The following ZBTB6 variants were observed in gnomAD, a reference collection of about 807,000 sequenced individuals.
The protein encoded by ZBTB6 is zinc finger and BTB domain containing 6, also known as zinc finger and BTB domain-containing protein 6.
In ZBTB6, 11 loss-of-function variants were observed where a neutral mutation model predicts 30.6. That is an observed-to-expected ratio of 0.36 (90% CI 0.23 to 0.60). ZBTB6 has a LOEUF of 0.60. ZBTB6 is among the 20% of genes least tolerant of loss of function. ZBTB6 has a pLI of 0.75. For missense variants in ZBTB6, 380 were observed against 489.4 expected (o/e 0.78, Z 2.11); for synonymous variants, 174 against 172.0 (o/e 1.01, Z -0.09).
chr9:122,911,638 A>C lies in ZBTB6; in HGVS notation c.435T>G (p.Ser145=). The C allele has an allele frequency of 1.2e-6, 2 of 1,613,542 alleles. No homozygotes were observed. The highest frequency in any genetic ancestry group is 1.7e-6 in the Non-Finnish European group (2 of 1,180,040). The change falls in exon 2 of 2, where the codon TCT becomes TCG. Residue 145 remains serine (S), a synonymous_variant. Transcript: ENST00000373659. The surrounding 1 kb of genome is among the most constrained non-coding windows in gnomAD (Gnocchi z 4.5). ...CTTCATTCTTAACATCAGGATCAGA[A>C]GACTGACACAGGTCAGTGTGTTGGT... The part of the protein sequence containing the change: ...NNNQHTDLCQ[S]SDPDVKNEDE...
chr9:122,911,507 G>A lies in ZBTB6; in HGVS notation c.566C>T (p.Thr189Ile), dbSNP rs190479955. 106 of 1,614,068 alleles carry A rather than the reference G, an allele frequency of 6.6e-5. No individual in the cohort carries two copies. In the East Asian group the frequency reaches 1.8e-3, roughly 28 times the overall value. The change falls in exon 2 of 2, where the codon ACA becomes ATA. Residue 189 changes from threonine to isoleucine, a missense_variant. By Grantham distance (89) the Thr-to-Ile change is moderately conservative (BLOSUM62 -1). Coordinates refer to ENST00000373659, the MANE Select transcript of ZBTB6 (RefSeq NM_006626.6). The surrounding 1 kb of genome is among the most constrained non-coding windows in gnomAD (Gnocchi z 4.5). ...TCTCTCTGATGTCAGACTCTCTACTGTAGACTGCAAAGCATTGCTTTCCTC... is the reference window on the plus strand; with the variant it reads ...TCTCTCTGATGTCAGACTCTCTACTATAGACTGCAAAGCATTGCTTTCCTC... ...KEEESNALQSTVESLTSERKE... is the reference protein window; with the variant it reads ...KEEESNALQSIVESLTSERKE...
chr9:122,911,548 A>G lies in ZBTB6; in HGVS notation c.525T>C (p.Asp175=), dbSNP rs1832954930. ...EISEDSPVNI[D]FHVKEEESNA... ...TGCTTTCCTCTTCTTTAACATGGAA[A>G]TCTATGTTTACAGGACTATCTTCTG... The change falls in exon 2 of 2, where the codon GAT becomes GAC. Residue 175 remains aspartate (D), a synonymous_variant. Coordinates refer to ENST00000373659, the MANE Select transcript of ZBTB6 (RefSeq NM_006626.6). This position sits in a 1 kb window ranked among gnomAD's most constrained non-coding sequence, Gnocchi z 4.5. 1.2e-6 allele frequency: 2 copies of G among 1,613,958 alleles called. No homozygotes were observed. The highest frequency in any genetic ancestry group is 1.7e-6 in the Non-Finnish European group (2 of 1,180,006).
At position 122,910,739 on chromosome 9, in the gene ZBTB6, AC is replaced by A. The variant is rs1832944880; in HGVS notation, c.*58del. 1.8e-5 allele frequency: 26 copies of A among 1,445,280 alleles called. No homozygotes were observed. Among genetic ancestry groups the A allele is most frequent in the Non-Finnish European group, 2.3e-5 (25 of 1,069,628 alleles). The allele number at this position is 1,445,280 out of a possible 1,614,324, so 89.5% of individuals were successfully genotyped here. ...GAAATATTACAAATGCTGCATCTCTACAGAAAGACTTGCGTAATAGAATAAT... is the reference window on the plus strand; with the variant it reads ...GAAATATTACAAATGCTGCATCTCTAAGAAAGACTTGCGTAATAGAATAAT... On this transcript the variant is annotated 3_prime_UTR_variant, in exon 2 of 2. Transcript: ENST00000373659.
In ZBTB6 at chr9:122,908,156, C is replaced by T. The variant is rs1832920573; in HGVS notation, c.*2642G>A. 6.6e-6 allele frequency: 1 copy of T among 152,182 alleles called. No individual in the cohort carries two copies. The highest frequency in any genetic ancestry group is 6.5e-5 in the Admixed American group (1 of 15,280). 9.4% of individuals were successfully genotyped at this position (152,182 alleles called of 1,614,324 possible). On this transcript the variant is annotated 3_prime_UTR_variant, in exon 2 of 2. Transcript: ENST00000373659. Reference sequence around the variant, plus strand: ...TTTTTCTCTGACAACGAAGTAACAACTACCTTTTCAAGATCTTTTATATGT... The same window carrying T: ...TTTTTCTCTGACAACGAAGTAACAATTACCTTTTCAAGATCTTTTATATGT...
intron 1 of ZBTB6, 119 bp from the exon 2 acceptor site, chr9:122,912,200 T>C (rs976588555): frequency 9.8e-7 from 1 of 1,018,612 alleles, no homozygotes; most frequent in Non-Finnish European, 1.4e-6. Flanking sequence ...AGACTCAAAG[T>C]CTAATGTAGG....
chr9:122,911,829 T>G lies in ZBTB6; in HGVS notation c.244A>C (p.Arg82=), dbSNP rs774140080. 4 of 1,614,220 alleles carry G rather than the reference T, an allele frequency of 2.5e-6. No individual in the cohort carries two copies. In the South Asian group the frequency reaches 4.4e-5, roughly 18 times the overall value. ...ITILQSAEVG[R]KLLLSCYTGA... ...GTATAGCAAGACAGTAACAATTTTC[T>G]GCCAACTTCTGCACTCTGTAAGATG... Residue 82 remains arginine, a synonymous_variant, in exon 2 of 2, where the codon AGA becomes CGA. Coordinates refer to ENST00000373659, the MANE Select transcript of ZBTB6 (RefSeq NM_006626.6). The surrounding 1 kb of genome is among the most constrained non-coding windows in gnomAD (Gnocchi z 4.5).
Position 122,911,009 on chromosome 9 carries a change from T to C in ZBTB6, c.1064A>G (p.Gln355Arg). The C allele has an allele frequency of 6.2e-7, 1 of 1,614,220 alleles. No individual in the cohort carries two copies. The highest frequency in any genetic ancestry group is 8.5e-7 in the Non-Finnish European group (1 of 1,180,038). Residue 355 changes from glutamine (Q) to arginine (R), a missense_variant, in exon 2 of 2, where the codon CAG (glutamine) becomes CGG (arginine). By Grantham distance (43) the Gln-to-Arg change is conservative. Transcript: ENST00000373659. The surrounding 1 kb of genome is among the most constrained non-coding windows in gnomAD (Gnocchi z 4.5). ...AAATGTCTTCAAGCACACAGTACAC[T>C]GAAAGGGCCGTATGCCCATGTGTCC... The part of the protein sequence containing the change: ...IRGHMGIRPF[Q>R]CTVCLKTFTA...
In ZBTB6 at chr9:122,911,975, C is replaced by T. The variant is rs1184476987; in HGVS notation, c.98G>A (p.Cys33Tyr). The change falls in exon 2 of 2, where the codon TGT becomes TAT. Residue 33 changes from cysteine (C) to tyrosine (Y), a missense_variant. Transcript: ENST00000373659. The surrounding 1 kb of genome is among the most constrained non-coding windows in gnomAD (Gnocchi z 4.5). ...MNLLRQQNLFCDVSIYINDTE... is the reference protein window; with the variant it reads ...MNLLRQQNLFYDVSIYINDTE... ...GTCATTAATGTAAATTGATACATCA[C>T]AAAATAAATTCTGCTGTCTCAAAAG... 4 of 1,614,068 alleles carry T rather than the reference C, an allele frequency of 2.5e-6. No individual in the cohort carries two copies. In the Admixed American group the frequency reaches 5.0e-5, roughly 20 times the overall value.
chr9:122,913,183 G>GTCCTCCTCCTCC, intron 1 of ZBTB6, 68 bp downstream of exon 1: 1 of 902,596 alleles, frequency 1.1e-6, no homozygotes. Flanking sequence ...GAGCCCAGCT[G>GTCCTCCTCCTCC]TCCTCCTCCT....
At position 122,909,106 on chromosome 9, in the gene ZBTB6, T is replaced by C. The variant is rs1832929684; in HGVS notation, c.*1692A>G. On this transcript the variant is annotated 3_prime_UTR_variant, in exon 2 of 2. Transcript: ENST00000373659. ...CATTCTTGAAAGTCTCAAGGAAAGT[T>C]AAAATTCAGTGGAGAATGTCTTTCC... is the stretch of plus-strand genomic sequence containing the variant. The C allele has an allele frequency of 6.6e-6, 1 of 152,228 alleles. No homozygotes were observed. Among genetic ancestry groups the C allele is most frequent in the Non-Finnish European group, 1.5e-5 (1 of 68,036 alleles). The allele number at this position is 152,228 out of a possible 1,614,324, so 9.4% of individuals were successfully genotyped here.
In ZBTB6 at chr9:122,911,138, T is replaced by A. The variant is rs1464029055; in HGVS notation, c.935A>T (p.His312Leu). The A allele has an allele frequency of 6.2e-7, 1 of 1,614,114 alleles. No individual in the cohort carries two copies. Among genetic ancestry groups the A allele is most frequent in the Non-Finnish European group, 8.5e-7 (1 of 1,180,044 alleles). The change falls in exon 2 of 2, where the codon CAT becomes CTT. Residue 312 changes from histidine to leucine, a missense_variant. His to Leu is a moderately conservative substitution (Grantham distance 99, BLOSUM62 -3). Transcript: ENST00000373659. This position sits in a 1 kb window ranked among gnomAD's most constrained non-coding sequence, Gnocchi z 4.5. The stretch of plus-strand genomic sequence containing the variant: ...AAGGTGGCGCAGATAGTTTTCAACA[T>A]GAAGAAAGCCTCGAGGACACCTGGG... ...QCPRCPRGFLHVENYLRHLKM... is the reference protein window; with the variant it reads ...QCPRCPRGFLLVENYLRHLKM...
Position 122,911,620 on chromosome 9 carries a change from C to A in ZBTB6, c.453G>T (p.Lys151Asn). The A allele has an allele frequency of 2.5e-6, 4 of 1,613,420 alleles. No homozygotes were observed. Among genetic ancestry groups the A allele is most frequent in the Non-Finnish European group, 3.4e-6 (4 of 1,180,030 alleles). Residue 151 changes from lysine to asparagine, a missense_variant, in exon 2 of 2, where the codon AAG becomes AAT. By Grantham distance (94) the Lys-to-Asn change is moderately conservative. Coordinates refer to ENST00000373659, the MANE Select transcript of ZBTB6 (RefSeq NM_006626.6). This position sits in a 1 kb window ranked among gnomAD's most constrained non-coding sequence, Gnocchi z 4.5. ...DLCQSSDPDV[K>N]NEDENSDKDC... ...CTTTATCAGAATTTTCATCTTCATT[C>A]TTAACATCAGGATCAGAAGACTGAC...
Position 122,911,683 on chromosome 9 carries a change from A to T in ZBTB6, c.390T>A (p.Asp130Glu). ...TEALSKYLEI[D>E]LSMKNNNQHT... Reference sequence around the variant, plus strand: ...GTTGGTTGTTGTTTTTCATAGAAAGATCAATTTCCAGATACTTTGACAAAG... The same window carrying T: ...GTTGGTTGTTGTTTTTCATAGAAAGTTCAATTTCCAGATACTTTGACAAAG... The change falls in exon 2 of 2, where the codon GAT becomes GAA. Residue 130 changes from aspartate to glutamate, a missense_variant. Physicochemically the swap from Asp to Glu is conservative, Grantham distance 45. Coordinates refer to ENST00000373659, the MANE Select transcript of ZBTB6 (RefSeq NM_006626.6). This position sits in a 1 kb window ranked among gnomAD's most constrained non-coding sequence, Gnocchi z 4.5. 6.2e-7 allele frequency: 1 copy of T among 1,613,860 alleles called. No individual in the cohort carries two copies. The highest frequency in any genetic ancestry group is 8.5e-7 in the Non-Finnish European group (1 of 1,180,046).
At position 122,913,243 on chromosome 9, in the gene ZBTB6, T is replaced by C. The variant is rs1430577633; in HGVS notation, c.-10+8A>G. 3.0e-6 allele frequency: 3 copies of C among 986,116 alleles called. No individual in the cohort carries two copies. Among genetic ancestry groups the C allele is most frequent in the Non-Finnish European group, 3.6e-6 (3 of 830,040 alleles). The allele number at this position is 986,116 out of a possible 1,614,324, so 61.1% of individuals were successfully genotyped here. A position where few individuals can be genotyped will look rare whatever the true frequency, so the allele number is the denominator to read the frequency against. On this transcript the variant is annotated splice_region_variant and intron_variant, in intron 1 of 1. Transcript: ENST00000373659. ...TCCACCTGAGGAATCTACTTTGCAC[T>C]CACTCACCGACTCAGAAAACTAGAG...
In ZBTB6 at chr9:122,911,491, T is replaced by A; in HGVS notation, c.582A>T (p.Thr194=). ...NALQSTVESL[T]SERKEMKSPE... ...GTGACTTCATTTCCTTTCTCTCTGA[T>A]GTCAGACTCTCTACTGTAGACTGCA... is the stretch of plus-strand genomic sequence containing the variant. Residue 194 remains threonine, a synonymous_variant, in exon 2 of 2, where the codon ACA becomes ACT. Transcript: ENST00000373659. This position sits in a 1 kb window ranked among gnomAD's most constrained non-coding sequence, Gnocchi z 4.5. 1 of 1,614,178 alleles carries A rather than the reference T, an allele frequency of 6.2e-7. No homozygotes were observed. Among genetic ancestry groups the A allele is most frequent in the Non-Finnish European group, 8.5e-7 (1 of 1,180,026 alleles).
chr9:122,911,646 A>G lies in ZBTB6; in HGVS notation c.427T>C (p.Cys143Arg). The part of the protein sequence containing the change: ...MKNNNQHTDL[C>R]QSSDPDVKNE... ...TTAACATCAGGATCAGAAGACTGAC[A>G]CAGGTCAGTGTGTTGGTTGTTGTTT... Residue 143 changes from cysteine to arginine, a missense_variant, in exon 2 of 2, where the codon TGT (cysteine) becomes CGT (arginine). Transcript: ENST00000373659. This position sits in a 1 kb window ranked among gnomAD's most constrained non-coding sequence, Gnocchi z 4.5. 1 of 1,613,540 alleles carries G rather than the reference A, an allele frequency of 6.2e-7. No homozygotes were observed. The highest frequency in any genetic ancestry group is 8.5e-7 in the Non-Finnish European group (1 of 1,180,012).
Position 122,910,531 on chromosome 9 carries a change from A to G in ZBTB6, c.*267T>C, listed in dbSNP as rs1197309037. ...GCTGGATCCTTTGTCACTAGAATCA[A>G]GAATATATAAGAGAGGAACACTATT... On this transcript the variant is annotated 3_prime_UTR_variant, in exon 2 of 2. Coordinates refer to ENST00000373659, the MANE Select transcript of ZBTB6 (RefSeq NM_006626.6). 9.7e-6 allele frequency: 3 copies of G among 308,676 alleles called. No homozygotes were observed. Among genetic ancestry groups the G allele is most frequent in the South Asian group, 1.6e-4 (2 of 12,416 alleles). The allele number at this position is 308,676 out of a possible 1,614,324, so 19.1% of individuals were successfully genotyped here.
Position 122,910,623 on chromosome 9 carries a change from T to G in ZBTB6, c.*175A>C. ...TGAGACAGAATCCCATCAGCTTTAC[T>G]GTGCCTCCCATAACTTTGGAACTGT... is the stretch of plus-strand genomic sequence containing the variant. On this transcript the variant is annotated 3_prime_UTR_variant, in exon 2 of 2. Transcript: ENST00000373659. 1.6e-6 allele frequency: 1 copy of G among 630,302 alleles called. No homozygotes were observed. Among genetic ancestry groups the G allele is most frequent in the Non-Finnish European group, 2.7e-6 (1 of 370,578 alleles). 39.0% of individuals were successfully genotyped at this position (630,302 alleles called of 1,614,324 possible).
In ZBTB6 at chr9:122,910,814, CTT is replaced by C. The variant is rs1314158969; in HGVS notation, c.1257_1258del (p.Arg420AlafsTer65). The stretch of plus-strand genomic sequence containing the variant: ...TGATTATAATTATAGTAGACTTTGC[CTT>C]TTGAGATCAGGCCTAGATAGTTTTT... On this transcript the variant is annotated frameshift_variant, in exon 2 of 2. Coordinates refer to ENST00000373659, the MANE Select transcript of ZBTB6 (RefSeq NM_006626.6). LOFTEE classifies it high-confidence loss of function. 1.9e-6 allele frequency: 3 copies of C among 1,607,016 alleles called. No individual in the cohort carries two copies. Among genetic ancestry groups the C allele is most frequent in the Non-Finnish European group, 2.6e-6 (3 of 1,174,806 alleles).
Sources: gnomAD v4.1 joint callset for allele counts on GRCh38, gnomAD v4.1.1 for gene constraint, Gnocchi (gnomAD v3.1) non-coding constraint, MANE v1.5 for transcripts, NCBI Gene and HGNC (gene_info 2026-07-23, HGNC 2026-07-21) for gene names.